The following GRAMD1A variants were observed in gnomAD, a reference collection of about 807,000 sequenced individuals.
The protein encoded by GRAMD1A is GRAM domain containing 1A.
GRAMD1A carries 50 observed loss-of-function variants against 92.0 expected under a neutral mutation model. That is an observed-to-expected ratio of 0.54 (90% CI 0.43 to 0.69). The LOEUF is 0.69. Among genes scored for constraint, GRAMD1A ranks in the 30% least tolerant of loss-of-function variants. The pLI, the probability that GRAMD1A is intolerant of heterozygous loss-of-function variation, is 0.00. For synonymous variants in GRAMD1A, 405 were observed against 403.6 expected, an observed-to-expected ratio of 1.00 and a Z score of -0.04; for missense variants, 819 against 978.9, an observed-to-expected ratio of 0.84 and a Z score of 2.18.
chr19:34,996,482 T>C (rs1395749254), upstream of GRAMD1A, among the ~76,000 whole-genome samples: 1 of 152,214 alleles, frequency 6.6e-6, no homozygotes, highest in African/African-American at 2.4e-5. Flanking sequence ...CAACCAGCTA[T>C]GACTGAGCTC....
intron 13 of GRAMD1A, among the ~76,000 whole-genome samples, chr19:35,020,561 A>G (rs1353248404): frequency 6.7e-6 from 1 of 149,274 alleles, no homozygotes; most frequent in Non-Finnish European, 1.5e-5. Flanking sequence ...AACAAACAAA[A>G]AACAAGTTAA....
Position 35,021,525 on chromosome 19 carries a change from G to A in GRAMD1A, c.1499G>A (p.Arg500Gln), listed in dbSNP as rs367650806. The change falls in exon 14 of 20, where the codon CGA (arginine) becomes CAA (glutamine). Residue 500 changes from arginine to glutamine, a missense_variant. This residue lies in a region of GRAMD1A where 577 missense variants were observed against 674.6 expected (regional missense o/e 0.86). Coordinates refer to ENST00000317991, the MANE Select transcript of GRAMD1A (RefSeq NM_020895.5). The surrounding 1 kb of genome is among the most constrained non-coding windows in gnomAD (Gnocchi z 5.3). ...AGAGTGTCTTCTGAGATCCGCTACC[G>A]AAAGCAGCCGTGGAGCCTGGTGAAG... is the stretch of plus-strand genomic sequence containing the variant. ...RLRVSSEIRY[R>Q]KQPWSLVKSL... is the part of the protein sequence containing the mutation. The A allele has an allele frequency of 1.3e-5, 21 of 1,613,918 alleles. No individual in the cohort carries two copies. The highest frequency in any genetic ancestry group is 2.2e-5 in the East Asian group (1 of 44,892).
intron 19 of GRAMD1A, 68 bp downstream of exon 19, chr19:35,023,615 G>T (rs531367177): frequency 1.4e-6 from 2 of 1,433,328 alleles, no homozygotes; most frequent in Non-Finnish European, 1.9e-6. Context: ...AAACCCCACC[G>T]TGCGGCAGGC....
chr19:34,997,063 C>G (rs1379027604), upstream of GRAMD1A, among the ~76,000 whole-genome samples: 2 of 151,952 alleles, frequency 1.3e-5, no homozygotes, highest in East Asian at 3.9e-4. Context: ...AGATGTGCAC[C>G]ACCACACCTG....
Position 35,011,479 on chromosome 19 carries a change from C to A in GRAMD1A, c.531C>A (p.Phe177Leu), listed in dbSNP as rs774300269. The A allele has an allele frequency of 1.9e-6, 3 of 1,608,062 alleles. No homozygotes were observed. Among genetic ancestry groups the A allele is most frequent in the Non-Finnish European group, 2.5e-6 (3 of 1,177,354 alleles). The change falls in exon 7 of 20, where the codon TTC becomes TTA. Residue 177 changes from phenylalanine to leucine, a missense_variant. Physicochemically the swap from Phe to Leu is conservative, Grantham distance 22. Around this residue, in one of 3 missense-constraint regions of GRAMD1A, gnomAD observed 144 missense variants for 220.3 expected, o/e 0.65. Transcript: ENST00000317991. ...TCTCTCTCTCTCCCTGACAGCATTT[C>A]TTCACTTCCTTTGGGGCCCGTGACC... ...IQICTESEKH[F>L]FTSFGARDRC...
At position 35,022,912 on chromosome 19, in the gene GRAMD1A, G is replaced by T. The variant is rs764325217; in HGVS notation, c.1853+1G>T. 3.7e-6 allele frequency: 6 copies of T among 1,601,104 alleles called. No homozygotes were observed. In the Admixed American group the frequency reaches 6.8e-5, roughly 18 times the overall value. On this transcript the variant is annotated splice_donor_variant, in intron 17 of 19. Transcript: ENST00000317991. LOFTEE classifies it high-confidence loss of function. ...GCTGCTGCTGCAGGATCTGTGTGAGGTAGGGTCCCGAGTCCTCCCCCTGCC... is the reference window on the plus strand; with the variant it reads ...GCTGCTGCTGCAGGATCTGTGTGAGTTAGGGTCCCGAGTCCTCCCCCTGCC...
intron 16 of GRAMD1A, among the ~76,000 whole-genome samples, chr19:35,022,287 G>A (rs552942816): frequency 3.3e-5 from 5 of 152,268 alleles, no homozygotes; most frequent in Admixed American, 6.5e-5. Context: ...CAAGGATCAA[G>A]GGGGGCTTTC....
chr19:35,001,828 G>A (rs1325858270), intron 1 of GRAMD1A, among the ~76,000 whole-genome samples: 4 of 151,912 alleles, frequency 2.6e-5, no homozygotes, highest in East Asian at 1.9e-4. Flanking sequence ...GGCTGATCTC[G>A]AACTCCTGAC....
chr19:35,011,186 T>A (rs1159462887), intron 6 of GRAMD1A, among the ~76,000 whole-genome samples: 5 of 148,600 alleles, frequency 3.4e-5, no homozygotes, highest in Non-Finnish European at 1.5e-5. Flanking sequence ...CCCCATCACA[T>A]CCCAGCCCCT....
In GRAMD1A at chr19:35,023,436, C is replaced by T. The variant is rs745842758; in HGVS notation, c.1971C>T (p.Pro657=). The T allele has an allele frequency of 3.8e-6, 6 of 1,592,730 alleles. No homozygotes were observed. The African/African-American group carries it at 5.4e-5, about 14-fold the overall frequency. ...HSLALAKGKF[P]QTATEWAEIL... ...CCTGGCATCCCCACAGCAAGTTCCC[C>T]CAGACGGCCACAGAGTGGGCCGAGA... Residue 657 remains proline (P), a synonymous_variant, in exon 19 of 20, where the codon CCC becomes CCT. Coordinates refer to ENST00000317991, the MANE Select transcript of GRAMD1A (RefSeq NM_020895.5).
intron 1 of GRAMD1A, among the ~76,000 whole-genome samples, chr19:35,001,477 G>A (rs1045884532): frequency 2.0e-5 from 3 of 152,142 alleles, no homozygotes; most frequent in Non-Finnish European, 4.4e-5. Flanking sequence ...AGCTCCAAGC[G>A]TTGCTGTAAG....
rs2014917815 is a variant in GRAMD1A, at chr19:35,007,602, C to A, written c.9-1517C>A. Among the ~76,000 whole-genome samples, 5 of 152,194 alleles carry A rather than the reference C, an allele frequency of 3.3e-5. No individual in the cohort carries two copies. The South Asian group carries it at 1.0e-3, about 32-fold the overall frequency. The stretch of plus-strand genomic sequence containing the variant: ...AAATAGAGCTGGGTGCAGTGGCTCA[C>A]ACCTGTAATACCAGCACTTTGGTAG... On this transcript the variant is annotated intron_variant, in intron 1 of 19. Coordinates refer to ENST00000317991, the MANE Select transcript of GRAMD1A (RefSeq NM_020895.5).
At chr19:35,006,026 G>A (rs2014788007) in intron 1 of GRAMD1A, 1 of 455,340 alleles carries the variant, frequency 2.2e-6, no homozygotes. Context: ...ATCCTGCCTT[G>A]AAATAAACCA....
At position 35,026,168 on chromosome 19, in the gene GRAMD1A, C is replaced by G. The variant is rs772403122; in HGVS notation, c.*27C>G. On this transcript the variant is annotated 3_prime_UTR_variant, in exon 20 of 20. Transcript: ENST00000317991. ...GACCCCGGCCACGCAGCTGTTCCCC[C>G]ACATGGACAGATGGACACACAGAGC... 1.7e-6 allele frequency: 2 copies of G among 1,161,406 alleles called. No individual in the cohort carries two copies. Among genetic ancestry groups the G allele is most frequent in the Admixed American group, 1.7e-5 (1 of 59,420 alleles). 71.9% of individuals were successfully genotyped at this position (1,161,406 alleles called of 1,614,324 possible).
chr19:35,018,569 G>A (rs377134882), intron 11 of GRAMD1A, among the ~76,000 whole-genome samples: 13 of 152,318 alleles, frequency 8.5e-5, no homozygotes, highest in Admixed American at 6.5e-4. Flanking sequence ...GTACTGGGGA[G>A]CCATGGAGTG....
chr19:35,023,192 G>C (rs747603307), intron 17 of GRAMD1A, 44 bp from the exon 18 acceptor site: 1 of 1,389,714 alleles, frequency 7.2e-7, no homozygotes, highest in Admixed American at 1.7e-5. Flanking sequence ...GGTGTTCAGA[G>C]CATCTAGACC....
rs201039041 is a variant in GRAMD1A at position 35,021,771 on chromosome 19, C to A, written c.1660C>A (p.Arg554=). 3.7e-5 allele frequency: 60 copies of A among 1,612,388 alleles called. No individual in the cohort carries two copies. The highest frequency in any genetic ancestry group is 5.0e-5 in the Non-Finnish European group (59 of 1,179,602). Residue 554 remains arginine, a synonymous_variant, in exon 15 of 20, where the codon CGG becomes AGG. Coordinates refer to ENST00000317991, the MANE Select transcript of GRAMD1A (RefSeq NM_020895.5). The surrounding 1 kb of genome is among the most constrained non-coding windows in gnomAD (Gnocchi z 5.3). ...DARGLLSGLR[R]RKRPLSWRAH... ...CCGGGGCTTGCTATCCGGCCTGCGG[C>A]GGCGGAAGCGGCCCCTGAGCTGGCG...
rs2015463271 is a variant in GRAMD1A at position 35,014,253 on chromosome 19, C to A, written c.935C>A (p.Thr312Asn). Reference protein sequence around the residue: ...QPDASSSQTVTPVAEPPSTEP... With the variant: ...QPDASSSQTVNPVAEPPSTEP... ...GACGCCTCCTCCAGCCAGACAGTGA[C>A]CCCGGTGGCTGAACCCCCGAGCACA... Residue 312 changes from threonine (T) to asparagine (N), a missense_variant, in exon 10 of 20, where the codon ACC becomes AAC. Around this residue, in one of 3 missense-constraint regions of GRAMD1A, gnomAD observed 577 missense variants for 674.6 expected, o/e 0.86. Coordinates refer to ENST00000317991, the MANE Select transcript of GRAMD1A (RefSeq NM_020895.5). 1 of 1,614,082 alleles carries A rather than the reference C, an allele frequency of 6.2e-7. No individual in the cohort carries two copies. Among genetic ancestry groups the A allele is most frequent in the Non-Finnish European group, 8.5e-7 (1 of 1,179,960 alleles).
At chr19:35,001,782 A>AT (rs2014393645) in intron 1 of GRAMD1A, among the ~76,000 whole-genome samples, 1 of 151,720 alleles carries the variant, frequency 6.6e-6, no homozygotes. Flanking sequence ...TAAGTTTTGT[A>AT]TTTTTAGTAG....
Sources: gnomAD v4.1 joint callset for allele counts (sites outside exome capture counted in the v4.1 genomes callset) on GRCh38, gnomAD v4.1.1 for gene constraint, gnomAD v4.1.1 regional missense constraint, Gnocchi (gnomAD v3.1) non-coding constraint, MANE v1.5 for transcripts, NCBI Gene and HGNC (gene_info 2026-07-23, HGNC 2026-07-21) for gene names.